Variants in ZBED4 observed in about 807,000 individuals in gnomAD.
ZBED4 encodes the protein zinc finger BED domain-containing protein 4.
ZBED4 carries 4 observed loss-of-function variants against 15.5 expected under a neutral mutation model. The observed-to-expected ratio is 0.26, with a 90% CI of 0.13 to 0.59. The LOEUF (loss-of-function observed/expected upper bound fraction) is 0.59, where lower values mean the gene tolerates loss of function less well. Ranked by LOEUF, ZBED4 falls within the 20% of genes least tolerant of loss-of-function variation. The pLI, the probability that ZBED4 is intolerant of heterozygous loss-of-function variation, is 0.90. For missense variants in ZBED4, 1,323 were observed against 1,461.8 expected, an observed-to-expected ratio of 0.91 and a Z score of 1.55; for synonymous variants, 692 against 608.5, an observed-to-expected ratio of 1.14 and a Z score of -2.02.
chr22:49,858,873 G>A (rs1018787226), intron 1 of ZBED4, among the ~76,000 whole-genome samples: 2 of 152,124 alleles, frequency 1.3e-5, no homozygotes, highest in Non-Finnish European at 1.5e-5. Context: ...CGGTGCCCCC[G>A]GAGCACCCCC....
chr22:49,885,595 A>G lies in ZBED4; in HGVS notation c.1933A>G (p.Asn645Asp). The G allele has an allele frequency of 6.2e-7, 1 of 1,608,562 alleles. No homozygotes were observed. Among genetic ancestry groups the G allele is most frequent in the Non-Finnish European group, 8.5e-7 (1 of 1,175,726 alleles). Residue 645 changes from asparagine to aspartate, a missense_variant, in exon 2 of 2, where the codon AAT (asparagine) becomes GAT (aspartate). This residue lies in a region of ZBED4 where 429 missense variants were observed against 397.9 expected (regional missense o/e 1.08). Coordinates refer to ENST00000216268, the MANE Select transcript of ZBED4 (RefSeq NM_014838.3). Reference sequence around the variant, plus strand: ...AGGCGCTTCCTCTTTTGATGACACCAATGAGAAGTTTTACGATTCTCACCC... The same window carrying G: ...AGGCGCTTCCTCTTTTGATGACACCGATGAGAAGTTTTACGATTCTCACCC... ...LSGASSFDDT[N>D]EKFYDSHPVA...
intron 1 of ZBED4, among the ~76,000 whole-genome samples, chr22:49,882,051 C>G (rs1437247001): frequency 1.3e-5 from 2 of 152,186 alleles, no homozygotes; most frequent in Non-Finnish European, 2.9e-5. Flanking sequence ...CTTTCACTCT[C>G]AGAAATGCCC....
chr22:49,853,257 C>G (rs1370528718), upstream of ZBED4: 1 of 152,814 alleles, frequency 6.5e-6, no homozygotes, highest in Non-Finnish European at 1.5e-5. Context: ...GCCCCGCGCT[C>G]GCCCAGAGGG....
Position 49,884,909 on chromosome 22 carries a change from C to G in ZBED4, c.1247C>G (p.Ser416Cys), listed in dbSNP as rs1425675026. 1 of 1,602,358 alleles carries G rather than the reference C, an allele frequency of 6.2e-7. No individual in the cohort carries two copies. Among genetic ancestry groups the G allele is most frequent in the Non-Finnish European group, 8.5e-7 (1 of 1,172,530 alleles). Residue 416 changes from serine (S) to cysteine (C), a missense_variant, in exon 2 of 2, where the codon TCT becomes TGT. Physicochemically the swap from Ser to Cys is moderately radical, Grantham distance 112. Transcript: ENST00000216268. Reference protein sequence around the residue: ...GLMEDVAAFSSSDDIGEASAS... With the variant: ...GLMEDVAAFSCSDDIGEASAS... ...ATGGAAGACGTGGCGGCCTTCTCAT[C>G]TTCCGATGACATAGGGGAGGCCTCG...
At chr22:49,861,001 T>TTC (rs1555922218) in intron 1 of ZBED4, among the ~76,000 whole-genome samples, 1 of 150,946 alleles carries the variant, frequency 6.6e-6, no homozygotes, top group Non-Finnish European at 1.5e-5. Context: ...CTGGTCTCGA[T>TTC]CTGAGCTCAG....
intron 1 of ZBED4, among the ~76,000 whole-genome samples, chr22:49,860,618 T>G (rs1433393068): frequency 6.6e-6 from 1 of 150,918 alleles, no homozygotes; most frequent in Admixed American, 6.6e-5. Context: ...AAGAAAGAAA[T>G]AAGACAAATA....
At chr22:49,862,353 C>CCGTGG (rs1336189183) in intron 1 of ZBED4, among the ~76,000 whole-genome samples, 1 of 152,250 alleles carries the variant, frequency 6.6e-6, no homozygotes, top group Non-Finnish European at 1.5e-5. Flanking sequence ...AAGTCTCTCA[C>CCGTGG]CGTGGCCTGC....
chr22:49,883,513 A>T lies in ZBED4; in HGVS notation c.-150A>T. 9.1e-7 allele frequency: 1 copy of T among 1,104,116 alleles called. No homozygotes were observed. The highest frequency in any genetic ancestry group is 1.2e-6 in the Non-Finnish European group (1 of 806,774). The allele number at this position is 1,104,116 out of a possible 1,614,324, so 68.4% of individuals were successfully genotyped here. Reference sequence around the variant, plus strand: ...TGAGTCACAGATTCTTTTTTTCAGTACTATTTATGATTAGCCATATTTCTA... The same window carrying T: ...TGAGTCACAGATTCTTTTTTTCAGTTCTATTTATGATTAGCCATATTTCTA... On this transcript the variant is annotated 5_prime_UTR_variant, in exon 2 of 2. Coordinates refer to ENST00000216268, the MANE Select transcript of ZBED4 (RefSeq NM_014838.3).
intron 1 of ZBED4, among the ~76,000 whole-genome samples, chr22:49,872,873 A>G (rs998853943): frequency 6.6e-6 from 1 of 151,778 alleles, no homozygotes; most frequent in Non-Finnish European, 1.5e-5. Flanking sequence ...ATTTTTTTGT[A>G]TTTTTAGTAG....
chr22:49,865,223 G>T (rs1365462278), intron 1 of ZBED4, among the ~76,000 whole-genome samples: 1 of 152,068 alleles, frequency 6.6e-6, no homozygotes, highest in African/African-American at 2.4e-5. Context: ...TAACACCGTG[G>T]CAAGTATTTG....
At position 49,880,534 on chromosome 22, in the gene ZBED4, C is replaced by G. The variant is rs140773072; in HGVS notation, c.-329-2800C>G. Reference sequence around the variant, plus strand: ...TCTTTAGCTTTCACACTTCTGTGATCACTGTCCTGTGCTTTCTCTTCTCTC... The same window carrying G: ...TCTTTAGCTTTCACACTTCTGTGATGACTGTCCTGTGCTTTCTCTTCTCTC... On this transcript the variant is annotated intron_variant, in intron 1 of 1. Transcript: ENST00000216268. 8.5e-4 allele frequency among the ~76,000 whole-genome samples: 130 copies of G among 152,348 alleles called. 1 individual carries two copies. In the East Asian group the frequency reaches 0.023, roughly 27 times the overall value.
In ZBED4 at chr22:49,886,779, C is replaced by G. The variant is rs763469729; in HGVS notation, c.3117C>G (p.Thr1039=). 1 of 1,612,482 alleles carries G rather than the reference C, an allele frequency of 6.2e-7. No homozygotes were observed. Among genetic ancestry groups the G allele is most frequent in the South Asian group, 1.1e-5 (1 of 90,906 alleles). The change falls in exon 2 of 2, where the codon ACC becomes ACG. Residue 1039 remains threonine (T), a synonymous_variant. Transcript: ENST00000216268. This position sits in a 1 kb window ranked among gnomAD's most constrained non-coding sequence, Gnocchi z 7.7. ...GGGAACTCGAACTCATGAATTCTAC[C>G]TCAGAGGACGTGGCTGCCTCCCACA... The part of the protein sequence containing the change: ...LIRELELMNS[T]SEDVAASHRC...
chr22:49,855,801 A>T (rs1274178884), intron 1 of ZBED4, among the ~76,000 whole-genome samples: 1 of 151,252 alleles, frequency 6.6e-6, no homozygotes, highest in Non-Finnish European at 1.5e-5. Context: ...GGCTTTGCCC[A>T]GCCCTGGGGT....
intron 1 of ZBED4, among the ~76,000 whole-genome samples, chr22:49,869,170 G>A (rs1048806944): frequency 4.0e-5 from 6 of 151,756 alleles, no homozygotes; most frequent in East Asian, 1.9e-4. Context: ...GGGGATGCTC[G>A]GTCTTGTGAT....
chr22:49,884,715 G>C lies in ZBED4; in HGVS notation c.1053G>C (p.Leu351=). 2 of 1,597,024 alleles carry C rather than the reference G, an allele frequency of 1.3e-6. No homozygotes were observed. Among genetic ancestry groups the C allele is most frequent in the Non-Finnish European group, 1.7e-6 (2 of 1,170,338 alleles). The change falls in exon 2 of 2, where the codon CTG becomes CTC. Residue 351 remains leucine (L), a synonymous_variant. Transcript: ENST00000216268. ...ACGGGGGCACGGGCATCCCGCCACT[G>C]TACTCCACCCCTCCCACTCTGCTGC... ...QENGGTGIPP[L]YSTPPTLLPS... is the part of the protein sequence containing the mutation.
intron 1 of ZBED4, among the ~76,000 whole-genome samples, chr22:49,864,099 T>G: frequency 6.6e-6 from 1 of 152,216 alleles, no homozygotes; most frequent in Non-Finnish European, 1.5e-5. Flanking sequence ...AGTCTGCATG[T>G]GACAGGTGCT....
chr22:49,876,024 T>G (rs2060374693), intron 1 of ZBED4, among the ~76,000 whole-genome samples: 1 of 152,208 alleles, frequency 6.6e-6, no homozygotes, highest in South Asian at 2.1e-4. Flanking sequence ...TGCTTTACTT[T>G]TGTGTGTTTT....
chr22:49,856,672 CGCTGG>C (rs2060275936), intron 1 of ZBED4, among the ~76,000 whole-genome samples: 2 of 35,738 alleles, frequency 5.6e-5, no homozygotes. Flanking sequence ...GTGAAGGCCG[CGCTGG>C]AATCCCGGCC....
At position 49,884,319 on chromosome 22, in the gene ZBED4, C is replaced by A. The variant is rs754860089; in HGVS notation, c.657C>A (p.Pro219=). 1 of 1,613,814 alleles carries A rather than the reference C, an allele frequency of 6.2e-7. No individual in the cohort carries two copies. Among genetic ancestry groups the A allele is most frequent in the South Asian group, 1.1e-5 (1 of 91,042 alleles). Residue 219 remains proline (P), a synonymous_variant, in exon 2 of 2, where the codon CCC becomes CCA. Coordinates refer to ENST00000216268, the MANE Select transcript of ZBED4 (RefSeq NM_014838.3). ...AAGTGGCGTCTAAGATCCCGTCCCC[C>A]GATCGAATAACAGAGGAGTCTGTGT... is the stretch of plus-strand genomic sequence containing the variant. ...VQKVASKIPS[P]DRITEESVSV... is the part of the protein sequence containing the mutation.
Sources: allele counts gnomAD v4.1 joint callset (sites outside exome capture counted in the v4.1 genomes callset), GRCh38; gene constraint gnomAD v4.1.1; regional missense constraint gnomAD v4.1.1; non-coding constraint Gnocchi (gnomAD v3.1); transcripts MANE v1.5; gene names NCBI Gene and HGNC (gene_info 2026-07-23, HGNC 2026-07-21).